Variants in DGUOK observed in about 807,000 individuals in gnomAD.
DGUOK encodes the protein deoxyguanosine kinase, mitochondrial.
A neutral mutation model predicts 36.6 loss-of-function variants in DGUOK; 30 were observed. The observed-to-expected ratio is 0.82, with a 90% CI of 0.61 to 1.11. The LOEUF is 1.11. DGUOK is among the 50% of genes most tolerant of loss of function. The pLI, the probability that DGUOK is intolerant of heterozygous loss-of-function variation, is 0.00. For missense variants in DGUOK, 361 were observed against 336.4 expected, an observed-to-expected ratio of 1.07 and a Z score of -0.57; for synonymous variants, 145 against 126.3, an observed-to-expected ratio of 1.15 and a Z score of -0.99.
chr2:73,945,712 C>G (rs1355448551), intron 2 of DGUOK, among the ~76,000 whole-genome samples: 1 of 152,186 alleles, frequency 6.6e-6, no homozygotes. Flanking sequence ...TGCTTTTGTA[C>G]AAAATTCACT....
Position 73,941,162 on chromosome 2 carries a change from C to T in DGUOK, c.255+2140C>T, listed in dbSNP as rs995551107. Among the ~76,000 whole-genome samples, 8 of 152,170 alleles carry T rather than the reference C, an allele frequency of 5.3e-5. No homozygotes were observed. The East Asian group carries it at 5.8e-4, about 11-fold the overall frequency. ...AAGCAGCCTTTTCAAGGGGGCCACACGGAAGGAACTGAGGCCTCCTGTGAA... is the reference window on the plus strand; with the variant it reads ...AAGCAGCCTTTTCAAGGGGGCCACATGGAAGGAACTGAGGCCTCCTGTGAA... On this transcript the variant is annotated intron_variant, in intron 2 of 6. Transcript: ENST00000264093.
At chr2:73,947,096 G>A in intron 3 of DGUOK, 190 bp downstream of exon 3, 1 of 652,850 alleles carries the variant, frequency 1.5e-6, no homozygotes, top group Non-Finnish European at 2.7e-6. Flanking sequence ...TGTCAAGAAA[G>A]GAAATTGGGT....
intron 4 of DGUOK, among the ~76,000 whole-genome samples, chr2:73,956,488 G>T (rs903179756): frequency 3.9e-5 from 6 of 152,228 alleles, no homozygotes; most frequent in African/African-American, 1.4e-4. Flanking sequence ...CTACAGACGG[G>T]TGGAGTGAAG....
chr2:73,927,842 C>A (rs941625379), intron 1 of DGUOK, among the ~76,000 whole-genome samples: 78 of 152,330 alleles, frequency 5.1e-4, no homozygotes, highest in African/African-American at 1.8e-3. Context: ...CACTGAGCCC[C>A]TAAAAGGGGC....
rs746006471 is a variant in DGUOK, at chr2:73,957,177, A to C, written c.644A>C (p.Glu215Ala). Residue 215 changes from glutamate to alanine, a missense_variant, in exon 5 of 7, where the codon GAG (glutamate) becomes GCG (alanine). By Grantham distance (107) the Glu-to-Ala change is moderately radical. Transcript: ENST00000264093. ...QRAREEEKGIELAYLEQLHGQ... is the reference protein window; with the variant it reads ...QRAREEEKGIALAYLEQLHGQ... ...GCCAGGGAGGAGGAGAAAGGAATTG[A>C]GCTGGCCTATCTAGAGCAGCTGCAT... 1.9e-6 allele frequency: 3 copies of C among 1,614,084 alleles called. No homozygotes were observed. Among genetic ancestry groups the C allele is most frequent in the Non-Finnish European group, 2.5e-6 (3 of 1,180,044 alleles).
At chr2:73,934,753 T>TC (rs1235388529) in intron 1 of DGUOK, among the ~76,000 whole-genome samples, 1 of 67,000 alleles carries the variant, frequency 1.5e-5, no homozygotes, top group African/African-American at 3.8e-5. Context: ...AGACTCTGTC[T>TC]CAAAAAAAAA....
intron 3 of DGUOK, among the ~76,000 whole-genome samples, chr2:73,950,281 T>G (rs951134823): frequency 6.6e-6 from 1 of 152,168 alleles, no homozygotes; most frequent in African/African-American, 2.4e-5. Flanking sequence ...GCAGAGAAAA[T>G]TGTTAGGGAC....
At chr2:73,928,295 T>C (rs1002707165) in intron 1 of DGUOK, among the ~76,000 whole-genome samples, 1 of 152,164 alleles carries the variant, frequency 6.6e-6, no homozygotes. Context: ...ACCCAGTTAA[T>C]TTTTGTTTTG....
At chr2:73,945,403 T>C (rs1421607257) in intron 2 of DGUOK, among the ~76,000 whole-genome samples, 1 of 152,156 alleles carries the variant, frequency 6.6e-6, no homozygotes, top group African/African-American at 2.4e-5. Context: ...TGGAGGGTGT[T>C]GGAATGATGA....
intron 1 of DGUOK, among the ~76,000 whole-genome samples, chr2:73,935,875 G>A (rs1318429971): frequency 6.6e-6 from 1 of 152,152 alleles, no homozygotes; most frequent in Admixed American, 6.5e-5. Context: ...CTAATTTGTT[G>A]GCATTCTAGA....
intron 4 of DGUOK, 112 bp downstream of exon 4, chr2:73,950,844 C>G (rs2104964125): frequency 1.4e-6 from 2 of 1,415,920 alleles, no homozygotes; most frequent in African/African-American, 2.8e-5. Context: ...ACATTACCTG[C>G]AGCACAGAGA....
chr2:73,951,863 A>T (rs1426916938), intron 4 of DGUOK, among the ~76,000 whole-genome samples: 1 of 152,244 alleles, frequency 6.6e-6, no homozygotes. Context: ...GAAATAAATA[A>T]GGGTTAAAGT....
intron 3 of DGUOK, among the ~76,000 whole-genome samples, chr2:73,949,925 A>G (rs971737983): frequency 1.3e-5 from 2 of 152,174 alleles, no homozygotes; most frequent in African/African-American, 4.8e-5. Context: ...GCTTTCTTTT[A>G]TCTGAACTAG....
intron 2 of DGUOK, 103 bp from the exon 3 acceptor site, chr2:73,946,616 T>G: frequency 9.5e-7 from 1 of 1,057,504 alleles, no homozygotes; most frequent in Non-Finnish European, 1.4e-6. Context: ...TTTCATTGAT[T>G]ATTAAACCTG....
chr2:73,958,485 C>T (rs1192329754), intron 6 of DGUOK, among the ~76,000 whole-genome samples: 4 of 152,206 alleles, frequency 2.6e-5, no homozygotes, highest in African/African-American at 9.7e-5. Context: ...TGACTTTCTT[C>T]TCTAAGGCAT....
chr2:73,937,486 TG>T (rs1354137039), intron 1 of DGUOK, among the ~76,000 whole-genome samples: 2 of 152,106 alleles, frequency 1.3e-5, no homozygotes, highest in Non-Finnish European at 2.9e-5. Context: ...GAGGTGGGAA[TG>T]GAGAGAAAAG....
chr2:73,936,366 T>A (rs1681465754), intron 1 of DGUOK, among the ~76,000 whole-genome samples: 1 of 152,150 alleles, frequency 6.6e-6, no homozygotes, highest in African/African-American at 2.4e-5. Flanking sequence ...AGGGCATTTA[T>A]TCATTGGAGT....
At chr2:73,928,585 G>T (rs1261457156) in intron 1 of DGUOK, among the ~76,000 whole-genome samples, 1 of 152,206 alleles carries the variant, frequency 6.6e-6, no homozygotes, top group Non-Finnish European at 1.5e-5. Flanking sequence ...TGGAAAGTGT[G>T]TTCGGGGAAT....
intron 6 of DGUOK, 122 bp from the exon 7 acceptor site, chr2:73,958,588 G>T: frequency 2.4e-6 from 2 of 820,632 alleles, no homozygotes; most frequent in South Asian, 1.4e-5. Flanking sequence ...TCTTCTCCAT[G>T]CCTATTATTT....
Sources: gnomAD v4.1 joint callset for allele counts (sites outside exome capture counted in the v4.1 genomes callset) on GRCh38, gnomAD v4.1.1 for gene constraint, MANE v1.5 for transcripts, NCBI Gene and HGNC (gene_info 2026-07-23, HGNC 2026-07-21) for gene names.